Variants in NOL4 observed in about 807,000 individuals in gnomAD.
NOL4 encodes the protein nucleolar protein 4, also known as cancer/testis antigen 125.
NOL4 carries 17 observed loss-of-function variants against 75.9 expected under a neutral mutation model. The observed-to-expected ratio is 0.22, with a 90% CI of 0.15 to 0.34. The LOEUF (loss-of-function observed/expected upper bound fraction) is 0.34, where lower values mean the gene tolerates loss of function less well. NOL4 is among the 10% of genes least tolerant of loss of function. The pLI is 1.00. For synonymous variants in NOL4, 292 were observed against 289.9 expected (o/e 1.01, Z -0.07); for missense variants, 614 against 793.5 (o/e 0.77, Z 2.72).
intron 5 of NOL4, among the ~76,000 whole-genome samples, chr18:34,025,602 T>C (rs1445546345): frequency 6.6e-6 from 1 of 152,184 alleles, no homozygotes; most frequent in African/African-American, 2.4e-5. Flanking sequence ...ATGTATGTCA[T>C]TTTACTGAGT....
At chr18:33,938,154 G>A (rs2068194216) in intron 9 of NOL4, among the ~76,000 whole-genome samples, 2 of 151,938 alleles carry the variant, frequency 1.3e-5, no homozygotes, top group Non-Finnish European at 1.5e-5. Context: ...CGTGCAGCTG[G>A]TGGCCTTGCA....
At chr18:34,212,261 T>C (rs1294431176) in intron 1 of NOL4, among the ~76,000 whole-genome samples, 1 of 152,140 alleles carries the variant, frequency 6.6e-6, no homozygotes, top group Non-Finnish European at 1.5e-5. Context: ...TCACTAAATA[T>C]GTCAAATAAT....
At chr18:33,962,911 C>T (rs569737310) in intron 6 of NOL4, among the ~76,000 whole-genome samples, 20 of 152,258 alleles carry the variant, frequency 1.3e-4, no homozygotes, top group Admixed American at 9.2e-4. Context: ...TTTTAAAGAA[C>T]GTGCAATCTT....
rs552259175 is a variant in NOL4, at chr18:34,058,656, T to A, written c.772+34809A>T. ...ATTATCATTAATATTGCAATCTTCATAACAAATCTGTGAACTTCATGAATG... is the reference window on the plus strand; with the variant it reads ...ATTATCATTAATATTGCAATCTTCAAAACAAATCTGTGAACTTCATGAATG... On this transcript the variant is annotated intron_variant, in intron 5 of 10. Coordinates refer to ENST00000261592, the MANE Select transcript of NOL4 (RefSeq NM_003787.5). Among the ~76,000 whole-genome samples, 102 of 152,276 alleles carry A rather than the reference T, an allele frequency of 6.7e-4. 1 individual carries two copies. Among genetic ancestry groups the A allele is most frequent in the African/African-American group, 2.3e-3 (95 of 41,560 alleles).
At chr18:33,908,695 G>A (rs2066213740) in intron 9 of NOL4, among the ~76,000 whole-genome samples, 1 of 152,092 alleles carries the variant, frequency 6.6e-6, no homozygotes, top group Non-Finnish European at 1.5e-5. Context: ...CATCAATATG[G>A]TGATGCCTGA....
chr18:33,861,069 C>A (rs1490103809), intron 10 of NOL4, among the ~76,000 whole-genome samples: 1 of 152,144 alleles, frequency 6.6e-6, no homozygotes, highest in African/African-American at 2.4e-5. Flanking sequence ...CATCAATGTT[C>A]ATCAAGGATA....
At chr18:34,071,178 T>C (rs1202951433) in intron 5 of NOL4, among the ~76,000 whole-genome samples, 1 of 152,120 alleles carries the variant, frequency 6.6e-6, no homozygotes, top group African/African-American at 2.4e-5. Context: ...TTACACAATG[T>C]ATACATGTAT....
At chr18:34,104,931 T>G in intron 3 of NOL4, 118 bp downstream of exon 3, 3 of 588,784 alleles carry the variant, frequency 5.1e-6, no homozygotes, top group Non-Finnish European at 9.1e-6. Context: ...CTTGAATAAA[T>G]GAGATGATCT....
intron 6 of NOL4, among the ~76,000 whole-genome samples, chr18:34,000,731 T>A (rs1255586785): frequency 6.6e-6 from 1 of 152,086 alleles, no homozygotes; most frequent in Non-Finnish European, 1.5e-5. Context: ...GTCTCTTCCA[T>A]CTCAAGGGAA....
intron 9 of NOL4, among the ~76,000 whole-genome samples, chr18:33,906,677 A>C (rs1342463431): frequency 6.6e-6 from 1 of 152,200 alleles, no homozygotes; most frequent in Non-Finnish European, 1.5e-5. Context: ...ATAACAAATT[A>C]ATTTTTTTCT....
chr18:34,067,831 G>A (rs1798051600), intron 5 of NOL4, among the ~76,000 whole-genome samples: 1 of 151,944 alleles, frequency 6.6e-6, no homozygotes, highest in Non-Finnish European at 1.5e-5. Context: ...GTGCCTGAAT[G>A]GTACTGTCAA....
At chr18:33,884,608 ATCT>A (rs1378528164) in intron 9 of NOL4, among the ~76,000 whole-genome samples, 1 of 150,584 alleles carries the variant, frequency 6.6e-6, no homozygotes, top group Admixed American at 6.6e-5. Context: ...TGCATTCTTC[ATCT>A]TTTTTTTTTT....
chr18:33,868,836 T>G (rs1206459408), intron 10 of NOL4, among the ~76,000 whole-genome samples: 1 of 152,004 alleles, frequency 6.6e-6, no homozygotes, highest in Non-Finnish European at 1.5e-5. Context: ...GAATTGAGAT[T>G]ACTAGTAATT....
intron 8 of NOL4, among the ~76,000 whole-genome samples, chr18:33,943,574 TAG>T (rs1205253008): frequency 6.6e-6 from 1 of 151,864 alleles, no homozygotes; most frequent in Non-Finnish European, 1.5e-5. Flanking sequence ...AGGGCTAAAA[TAG>T]AGTTTAAAAA....
At chr18:34,198,512 T>G (rs1012638170) in intron 1 of NOL4, among the ~76,000 whole-genome samples, 21 of 151,934 alleles carry the variant, frequency 1.4e-4, no homozygotes, top group African/African-American at 5.1e-4. Flanking sequence ...AATTCACTTC[T>G]AATTTTTAAT....
intron 5 of NOL4, among the ~76,000 whole-genome samples, chr18:34,038,309 A>T (rs531412254): frequency 6.6e-6 from 1 of 152,198 alleles, no homozygotes; most frequent in Admixed American, 6.6e-5. Flanking sequence ...AATTAGTACA[A>T]GCACTATGAA....
intron 1 of NOL4, among the ~76,000 whole-genome samples, chr18:34,217,626 A>C (rs542340310): frequency 1.3e-5 from 2 of 152,230 alleles, no homozygotes; most frequent in East Asian, 3.9e-4. Flanking sequence ...TTTTGAGTTC[A>C]TAAAATATAC....
chr18:34,055,498 A>G (rs773857527), intron 5 of NOL4, among the ~76,000 whole-genome samples: 2 of 152,200 alleles, frequency 1.3e-5, no homozygotes, highest in Non-Finnish European at 2.9e-5. Flanking sequence ...GCTATAATGT[A>G]CATGATGAGT....
chr18:34,041,357 C>G (rs1293615873), intron 5 of NOL4, among the ~76,000 whole-genome samples: 1 of 151,878 alleles, frequency 6.6e-6, no homozygotes, highest in Non-Finnish European at 1.5e-5. Context: ...GGCCTTTACC[C>G]CCAATCCCTA....
Sources: allele counts gnomAD v4.1 joint callset (sites outside exome capture counted in the v4.1 genomes callset), GRCh38; gene constraint gnomAD v4.1.1; transcripts MANE v1.5; gene names NCBI Gene and HGNC (gene_info 2026-07-23, HGNC 2026-07-21).